Variants in KIRREL3 observed in about 807,000 individuals in gnomAD.
KIRREL3 encodes the protein kirre like nephrin family adhesion molecule 3, also known as kin of IRRE-like protein 3.
KIRREL3 carries 36 observed loss-of-function variants against 89.7 expected under a neutral mutation model. The observed-to-expected ratio is 0.40, with a 90% confidence interval of 0.31 to 0.53. KIRREL3 has a LOEUF of 0.53. Ranked by LOEUF, KIRREL3 falls within the 20% of genes least tolerant of loss-of-function variation. KIRREL3 has a pLI of 0.49. For missense variants in KIRREL3, 864 were observed against 1,056.6 expected (o/e 0.82, Z 2.53); for synonymous variants, 445 against 441.4 (o/e 1.01, Z -0.10).
chr11:126,707,630 C>T (rs1407134970), intron 1 of KIRREL3, among the ~76,000 whole-genome samples: 1 of 152,178 alleles, frequency 6.6e-6, no homozygotes, highest in Non-Finnish European at 1.5e-5. Flanking sequence ...GCTGTTGGAG[C>T]CAGGGGCTAA....
At chr11:126,504,331 G>T (rs1371138487) in intron 4 of KIRREL3, among the ~76,000 whole-genome samples, 1 of 152,118 alleles carries the variant, frequency 6.6e-6, no homozygotes, top group African/African-American at 2.4e-5. Flanking sequence ...AGCAGCCAGG[G>T]TGAGTCTTTT....
chr11:126,982,233 C>G (rs1480616571), intron 1 of KIRREL3, among the ~76,000 whole-genome samples: 1 of 152,196 alleles, frequency 6.6e-6, no homozygotes, highest in East Asian at 1.9e-4. Context: ...CTACTGGTTG[C>G]TTCTCTCTCT....
rs867849183 is a variant in KIRREL3, at chr11:126,723,754, A to G, written c.56-160842T>C. Reference sequence around the variant, plus strand: ...GAGTTACATAAATGATACAATATGAAAAGAGAAGGGAAGAAGGAAAGATGG... The same window carrying G: ...GAGTTACATAAATGATACAATATGAGAAGAGAAGGGAAGAAGGAAAGATGG... On this transcript the variant is annotated intron_variant, in intron 1 of 16. Transcript: ENST00000525144. This position sits in a 1 kb window ranked among gnomAD's most constrained non-coding sequence, Gnocchi z 4.0. Among the ~76,000 whole-genome samples the G allele has an allele frequency of 3.9e-5, 6 of 152,358 alleles. No homozygotes were observed. The highest frequency in any genetic ancestry group is 8.8e-5 in the Non-Finnish European group (6 of 68,030).
chr11:126,920,248 G>C (rs570368291), intron 1 of KIRREL3: 13 of 152,550 alleles, frequency 8.5e-5, no homozygotes, highest in African/African-American at 3.1e-4. Flanking sequence ...GCTCTCCCAT[G>C]GCTGACTCCA....
At chr11:126,864,640 T>C (rs1398101499) in intron 1 of KIRREL3, among the ~76,000 whole-genome samples, 1 of 152,204 alleles carries the variant, frequency 6.6e-6, no homozygotes, top group Admixed American at 6.5e-5. Flanking sequence ...CCATAAGAAG[T>C]AGTAACCAAC....
chr11:126,455,609 A>G lies in KIRREL3; in HGVS notation c.848+740T>C, dbSNP rs1956308980. Among the ~76,000 whole-genome samples the G allele has an allele frequency of 6.7e-6, 1 of 149,634 alleles. No homozygotes were observed. Among genetic ancestry groups the G allele is most frequent in the African/African-American group, 2.5e-5 (1 of 40,560 alleles). On this transcript the variant is annotated intron_variant, in intron 7 of 16. Transcript: ENST00000525144. This position sits in a 1 kb window ranked among gnomAD's most constrained non-coding sequence, Gnocchi z 6.4. ...CGAGACCATCCTGGCTAACACGGTG[A>G]AACGCTGTCTCTACTAAAAATACAA...
rs1361261948 is a variant in KIRREL3 at position 126,925,932 on chromosome 11, C to T, written c.55+74523G>A. Among the ~76,000 whole-genome samples the T allele has an allele frequency of 5.9e-5, 9 of 152,340 alleles. No individual in the cohort carries two copies. The South Asian group carries it at 1.0e-3, about 18-fold the overall frequency. ...GACATCAACAGCAAACAGACACCCC[C>T]GGATCTGAGACATCTGTGTCCTATC... On this transcript the variant is annotated intron_variant, in intron 1 of 16. Coordinates refer to ENST00000525144, the MANE Select transcript of KIRREL3 (RefSeq NM_032531.4).
Position 126,969,149 on chromosome 11 carries a change from T to C in KIRREL3, c.55+31306A>G, listed in dbSNP as rs1157389986. The stretch of plus-strand genomic sequence containing the variant: ...ACAGAGGAGGGCGCTCAGGGGCCAA[T>C]CAAACGACTTCTAAACCGCGAAAAC... On this transcript the variant is annotated intron_variant, in intron 1 of 16. Transcript: ENST00000525144. The surrounding 1 kb of genome is among the most constrained non-coding windows in gnomAD (Gnocchi z 4.9). Among the ~76,000 whole-genome samples the C allele has an allele frequency of 6.6e-6, 1 of 151,890 alleles. No homozygotes were observed. Among genetic ancestry groups the C allele is most frequent in the African/African-American group, 2.4e-5 (1 of 41,316 alleles).
intron 1 of KIRREL3, among the ~76,000 whole-genome samples, chr11:126,803,978 G>C (rs1279850297): frequency 6.6e-6 from 1 of 152,196 alleles, no homozygotes; most frequent in Non-Finnish European, 1.5e-5. Context: ...AAACCAAAGA[G>C]GGAAGACAAG....
intron 1 of KIRREL3, among the ~76,000 whole-genome samples, chr11:126,902,266 T>C (rs1368879672): frequency 5.3e-5 from 8 of 152,234 alleles, no homozygotes; most frequent in Admixed American, 3.9e-4. Flanking sequence ...GTAGATATCC[T>C]ACAAAAGAAA....
At chr11:126,662,296 A>C (rs1945441793) in intron 1 of KIRREL3, among the ~76,000 whole-genome samples, 1 of 152,228 alleles carries the variant, frequency 6.6e-6, no homozygotes. Flanking sequence ...CTGCCCATTG[A>C]CCATCAAAGA....
Position 126,987,887 on chromosome 11 carries a change from G to C in KIRREL3, c.55+12568C>G, listed in dbSNP as rs1949914116. ...GTAGACATGTGCCATCTTCTAAAAT[G>C]ATTTCTGACACAAGGTAAGTTGTAC... On this transcript the variant is annotated intron_variant, in intron 1 of 16. Coordinates refer to ENST00000525144, the MANE Select transcript of KIRREL3 (RefSeq NM_032531.4). This position sits in a 1 kb window ranked among gnomAD's most constrained non-coding sequence, Gnocchi z 4.6. Among the ~76,000 whole-genome samples, 1 of 152,110 alleles carries C rather than the reference G, an allele frequency of 6.6e-6. No homozygotes were observed. Among genetic ancestry groups the C allele is most frequent in the African/African-American group, 2.4e-5 (1 of 41,424 alleles).
rs997224270 is a variant in KIRREL3, at chr11:126,715,363, G to A, written c.56-152451C>T. On this transcript the variant is annotated intron_variant, in intron 1 of 16. Coordinates refer to ENST00000525144, the MANE Select transcript of KIRREL3 (RefSeq NM_032531.4). The surrounding 1 kb of genome is among the most constrained non-coding windows in gnomAD (Gnocchi z 4.4). ...GGTCTGGGACAGTTGCTGTGCTTCT[G>A]CTCTGCCCTGGCCAGCCTCTGAGGG... Among the ~76,000 whole-genome samples, 2 of 152,126 alleles carry A rather than the reference G, an allele frequency of 1.3e-5. No individual in the cohort carries two copies. Among genetic ancestry groups the A allele is most frequent in the African/African-American group, 2.4e-5 (1 of 41,430 alleles).
At chr11:126,585,033 C>G (rs576258779) in intron 1 of KIRREL3, among the ~76,000 whole-genome samples, 1 of 151,982 alleles carries the variant, frequency 6.6e-6, no homozygotes, top group Admixed American at 6.6e-5. Context: ...ATTCTCCTGC[C>G]TCAGCCTCCG....
rs909357772 is a variant in KIRREL3, at chr11:126,656,057, C to T, written c.56-93145G>A. 6 of 442,308 alleles carry T rather than the reference C, an allele frequency of 1.4e-5. No individual in the cohort carries two copies. Among genetic ancestry groups the T allele is most frequent in the Non-Finnish European group, 2.3e-5 (5 of 217,974 alleles). The allele number at this position is 442,308 out of a possible 1,614,324, so 27.4% of individuals were successfully genotyped here. On this transcript the variant is annotated intron_variant, in intron 1 of 16. Transcript: ENST00000525144. This position sits in a 1 kb window ranked among gnomAD's most constrained non-coding sequence, Gnocchi z 4.0. The stretch of plus-strand genomic sequence containing the variant: ...AATGGGAACCTGAGCCAGGAGAGTC[C>T]TGTGGATTCACTAGATTCTGGGACT...
chr11:126,855,482 C>T (rs1386934049), intron 1 of KIRREL3, among the ~76,000 whole-genome samples: 4 of 152,202 alleles, frequency 2.6e-5, no homozygotes, highest in Non-Finnish European at 4.4e-5. Context: ...AACCTCTTTT[C>T]TTTCATAAAT....
chr11:126,930,664 C>A (rs1282146515), intron 1 of KIRREL3, among the ~76,000 whole-genome samples: 2 of 152,208 alleles, frequency 1.3e-5, no homozygotes, highest in East Asian at 3.8e-4. Flanking sequence ...CCCCTGACTA[C>A]CACCTCAATC....
chr11:126,483,726 T>C (rs1957280605), intron 4 of KIRREL3, among the ~76,000 whole-genome samples: 1 of 152,260 alleles, frequency 6.6e-6, no homozygotes, highest in African/African-American at 2.4e-5. Context: ...TTAACTCTTC[T>C]GTGAGGATAG....
upstream of KIRREL3, chr11:127,000,964 A>G: frequency 3.4e-6 from 1 of 298,386 alleles, no homozygotes; most frequent in Non-Finnish European, 6.1e-6. The surrounding 1 kb of genome is among the most constrained non-coding windows in gnomAD (Gnocchi z 7.1). Context: ...GTGGGGGAAA[A>G]GGCTGTGTTC....
Sources: allele counts gnomAD v4.1 joint callset (sites outside exome capture counted in the v4.1 genomes callset), GRCh38; gene constraint gnomAD v4.1.1; non-coding constraint Gnocchi (gnomAD v3.1); transcripts MANE v1.5; gene names NCBI Gene and HGNC (gene_info 2026-07-23, HGNC 2026-07-21).